The following ERCC2 variants were observed in gnomAD, a reference collection of about 807,000 sequenced individuals.
ERCC2 encodes the protein general transcription and DNA repair factor IIH helicase subunit XPD.
Under a neutral mutation model 99.4 loss-of-function variants are expected in ERCC2, and 90 were observed. The observed-to-expected ratio is 0.91, with a 90% CI of 0.76 to 1.08. ERCC2 has a LOEUF of 1.08. ERCC2 is among the 50% of genes least tolerant of loss of function. ERCC2 has a pLI of 0.00. For synonymous variants in ERCC2, 497 were observed against 432.4 expected (o/e 1.15, Z -1.85); for missense variants, 993 against 1,038.1 (o/e 0.96, Z 0.60).
chr19:45,361,692 G>T, intron 11 of ERCC2, 50 bp from the exon 12 acceptor site: 1 of 1,342,440 alleles, frequency 7.4e-7, no homozygotes, highest in Non-Finnish European at 1.1e-6. Flanking sequence ...GCATGAGCAG[G>T]ACCAGCAGCC....
intron 12 of ERCC2, among the ~76,000 whole-genome samples, chr19:45,360,990 G>C (rs3916827): frequency 6.6e-6 from 1 of 152,116 alleles, no homozygotes; most frequent in Non-Finnish European, 1.5e-5. Context: ...AATTAGCTGG[G>C]TATAGTGGCA....
intron 7 of ERCC2, 80 bp downstream of exon 7, chr19:45,364,758 C>T (rs986640774): frequency 2.3e-6 from 3 of 1,290,182 alleles, no homozygotes; most frequent in Admixed American, 1.7e-5. Flanking sequence ...AAGCAACAGA[C>T]AGACATGGGC....
rs1599730258 is a variant in ERCC2, at chr19:45,355,613, G to A, written c.1543+52C>T. Reference sequence around the variant, plus strand: ...GCAGCATGACTCAGCCCACCTGACTGATACACCTCCCCTCTTGGAACCCAC... The same window carrying A: ...GCAGCATGACTCAGCCCACCTGACTAATACACCTCCCCTCTTGGAACCCAC... On this transcript the variant is annotated intron_variant, in intron 16 of 22. Transcript: ENST00000391945. 23 of 1,484,916 alleles carry A rather than the reference G, an allele frequency of 1.5e-5. No homozygotes were observed. The South Asian group carries it at 2.5e-4, about 16-fold the overall frequency. 92.0% of individuals were successfully genotyped at this position (1,484,916 alleles called of 1,614,324 possible). A position where few individuals can be genotyped will look rare whatever the true frequency, so the allele number is the denominator to read the frequency against.
In ERCC2 at chr19:45,355,851, C is replaced by T. The variant is rs73044544; in HGVS notation, c.1480-123G>A. 4.8e-3 allele frequency: 3,758 copies of T among 779,218 alleles called. 16 individuals are homozygous for T. Among genetic ancestry groups the T allele is most frequent in the Non-Finnish European group, 6.4e-3 (2,968 of 462,438 alleles). 48.3% of individuals were successfully genotyped at this position (779,218 alleles called of 1,614,324 possible). The stretch of plus-strand genomic sequence containing the variant: ...TTTTTTTTAAAGAGAGACAGGGTGT[C>T]ACCATGTTGCCCAGGCTGATCTTGA... On this transcript the variant is annotated intron_variant, in intron 15 of 22. Transcript: ENST00000391945.
At chr19:45,365,565 C>T (rs528678131) in intron 5 of ERCC2, among the ~76,000 whole-genome samples, 3 of 152,058 alleles carry the variant, frequency 2.0e-5, no homozygotes, top group Admixed American at 6.5e-5. Flanking sequence ...GAGCAGAGAT[C>T]GTGCCATAGC....
chr19:45,355,734 G>C lies in ERCC2; in HGVS notation c.1480-6C>G. On this transcript the variant is annotated splice_polypyrimidine_tract_variant and splice_region_variant and intron_variant, in intron 15 of 22. Coordinates refer to ENST00000391945, the MANE Select transcript of ERCC2 (RefSeq NM_000400.4). Reference sequence around the variant, plus strand: ...TCATTGCCACGGCCGATGATCTGGAGAGCAACAGAGGTCACGATAAGCGAG... The same window carrying C: ...TCATTGCCACGGCCGATGATCTGGACAGCAACAGAGGTCACGATAAGCGAG... 1 of 1,613,710 alleles carries C rather than the reference G, an allele frequency of 6.2e-7. No homozygotes were observed. The highest frequency in any genetic ancestry group is 1.3e-5 in the African/African-American group (1 of 74,962).
chr19:45,356,875 A>G (rs1394968752), intron 15 of ERCC2, among the ~76,000 whole-genome samples: 1 of 152,186 alleles, frequency 6.6e-6, no homozygotes, highest in East Asian at 1.9e-4. Context: ...TCATGTTGAC[A>G]TGCACGTGTT....
intron 17 of ERCC2, among the ~76,000 whole-genome samples, 167 bp downstream of exon 17, chr19:45,354,563 G>A (rs542712946): frequency 6.6e-6 from 1 of 152,282 alleles, no homozygotes; most frequent in South Asian, 2.1e-4. Flanking sequence ...CTGGGGGCGG[G>A]GCATGGGGGT....
At chr19:45,364,618 G>C in intron 7 of ERCC2, 71 bp from the exon 8 acceptor site, 1 of 1,594,812 alleles carries the variant, frequency 6.3e-7, no homozygotes, top group South Asian at 1.1e-5. Context: ...TGGCCACACT[G>C]GCCCGTCACT....
chr19:45,356,568 G>C (rs976853215), intron 15 of ERCC2, among the ~76,000 whole-genome samples: 1 of 152,176 alleles, frequency 6.6e-6, no homozygotes, highest in African/African-American at 2.4e-5. Context: ...CCAGCACTTC[G>C]GGAGGACCAG....
intron 5 of ERCC2, among the ~76,000 whole-genome samples, chr19:45,367,054 T>C (rs897600793): frequency 1.3e-5 from 2 of 151,594 alleles, no homozygotes; most frequent in East Asian, 3.9e-4. Flanking sequence ...TAATAATAAA[T>C]AAGGCTGGGC....
chr19:45,353,065 A>G lies in ERCC2; in HGVS notation c.1831+18T>C. 6.2e-7 allele frequency: 1 copy of G among 1,609,724 alleles called. No homozygotes were observed. Among genetic ancestry groups the G allele is most frequent in the Non-Finnish European group, 8.5e-7 (1 of 1,177,642 alleles). Reference sequence around the variant, plus strand: ...GCTCTGGGAAGACACCTGGGGAGGAAGAGCCCAGTCCACTCACCAAAGTCG... The same window carrying G: ...GCTCTGGGAAGACACCTGGGGAGGAGGAGCCCAGTCCACTCACCAAAGTCG... On this transcript the variant is annotated intron_variant, in intron 19 of 22. Coordinates refer to ENST00000391945, the MANE Select transcript of ERCC2 (RefSeq NM_000400.4).
intron 12 of ERCC2, chr19:45,358,186 A>AT (rs1010702631): frequency 8.6e-6 from 2 of 231,366 alleles, no homozygotes; most frequent in African/African-American, 4.5e-5. Flanking sequence ...AGTAGCTGGG[A>AT]TTATAGGGAC....
At chr19:45,360,665 AC>A (rs1314549978) in intron 12 of ERCC2, among the ~76,000 whole-genome samples, 1 of 23,802 alleles carries the variant, frequency 4.2e-5, no homozygotes, top group Non-Finnish European at 7.0e-5. Context: ...GGCGTGAGCC[AC>A]CATGTCTGGC....
rs587778274 is a variant in ERCC2, at chr19:45,369,089, A to G, written c.164T>C (p.Leu55Pro). 2 of 1,614,032 alleles carry G rather than the reference A, an allele frequency of 1.2e-6. No individual in the cohort carries two copies. Among genetic ancestry groups the G allele is most frequent in the Admixed American group, 3.3e-5 (2 of 60,008 alleles). ...GTGKTVSLLA[L>P]IMAYQRAYPL... ...ACTCACTCTCTGGTATGCCATGATC[A>G]GGGCCAACAGGGATACTGTCTTCCC... is the stretch of plus-strand genomic sequence containing the variant. The change falls in exon 3 of 23, where the codon CTG (leucine) becomes CCG (proline). Residue 55 changes from leucine to proline, a missense_variant. Physicochemically the swap from Leu to Pro is moderately conservative, Grantham distance 98 (BLOSUM62 -3). Coordinates refer to ENST00000391945, the MANE Select transcript of ERCC2 (RefSeq NM_000400.4).
rs1327017125 is a variant in ERCC2 at position 45,352,350 on chromosome 19, CCGCTGTGGGCAGAAG to C, written c.2047-13_2048del. The C allele has an allele frequency of 2.5e-5, 41 of 1,613,834 alleles. No individual in the cohort carries two copies. The highest frequency in any genetic ancestry group is 3.3e-5 in the Non-Finnish European group (39 of 1,180,022). ...TCCCCCGCTTGTCCCCACGGGCAAA[CCGCTGTGGGCAGAAG>C]CGCAGGCCAGGGACAGAAGGTCATT... On this transcript the variant is annotated splice_acceptor_variant and splice_polypyrimidine_tract_variant and coding_sequence_variant and intron_variant, in exon 22 of 23. Transcript: ENST00000391945. LOFTEE classifies it high-confidence loss of function.
chr19:45,356,239 T>G (rs1356383467), intron 15 of ERCC2, among the ~76,000 whole-genome samples: 2 of 152,026 alleles, frequency 1.3e-5, no homozygotes, highest in Non-Finnish European at 2.9e-5. Context: ...CACCATGCAG[T>G]GGGGGTCATT....
In ERCC2 at chr19:45,352,290, A is replaced by G. The variant is rs1365927740; in HGVS notation, c.2109T>C (p.Asp703=). 3 of 1,614,092 alleles carry G rather than the reference A, an allele frequency of 1.9e-6. No individual in the cohort carries two copies. Among genetic ancestry groups the G allele is most frequent in the Non-Finnish European group, 2.5e-6 (3 of 1,180,016 alleles). ...LPRWIQEHLT[D]ANLNLTVDEG... ...CGTCCACGGTCAGGTTGAGGTTGGCATCTGTGAGGTGCTCCTGGATCCAGC... is the reference window on the plus strand; with the variant it reads ...CGTCCACGGTCAGGTTGAGGTTGGCGTCTGTGAGGTGCTCCTGGATCCAGC... Residue 703 remains aspartate, a synonymous_variant, in exon 22 of 23, where the codon GAT becomes GAC. Coordinates refer to ENST00000391945, the MANE Select transcript of ERCC2 (RefSeq NM_000400.4).
chr19:45,363,763 G>A lies in ERCC2; in HGVS notation c.1098C>T (p.Cys366=), dbSNP rs1428413951. 5 of 1,536,170 alleles carry A rather than the reference G, an allele frequency of 3.3e-6. No homozygotes were observed. The highest frequency in any genetic ancestry group is 2.4e-5 in the East Asian group (1 of 40,998). The stretch of plus-strand genomic sequence containing the variant: ...CGCACCTGAGGGGCTTGCGCTGGAT[G>A]CACACGCGCTGGGCCAGGCCGCTCA... ...AFLSGLAQRV[C]IQRKPLRFCA... The change falls in exon 11 of 23, where the codon TGC becomes TGT. Residue 366 remains cysteine, a synonymous_variant. Coordinates refer to ENST00000391945, the MANE Select transcript of ERCC2 (RefSeq NM_000400.4).
Sources: allele counts gnomAD v4.1 joint callset (sites outside exome capture counted in the v4.1 genomes callset), GRCh38; gene constraint gnomAD v4.1.1; transcripts MANE v1.5; gene names NCBI Gene and HGNC (gene_info 2026-07-23, HGNC 2026-07-21).